Variants in CA5A observed in about 807,000 individuals in gnomAD.
The protein encoded by CA5A is carbonic anhydrase 5A, also known as carbonic anhydrase 5A, mitochondrial.
CA5A carries 28 observed loss-of-function variants against 37.1 expected under a neutral mutation model. The ratio of observed to expected loss-of-function variants is 0.75; its 90% CI spans 0.56 to 1.03. CA5A has a LOEUF of 1.03. Ranked by LOEUF, CA5A falls within the 50% of genes least tolerant of loss-of-function variation. The probability of loss-of-function intolerance (pLI) is 0.00; values close to 1 mark genes in which losing one functional copy is unlikely to be tolerated. For missense variants in CA5A, 444 were observed against 399.9 expected, an observed-to-expected ratio of 1.11 and a Z score of -0.94; for synonymous variants, 171 against 158.4, an observed-to-expected ratio of 1.08 and a Z score of -0.60.
chr16:87,891,848 G>A lies in CA5A; in HGVS notation c.725C>T (p.Ser242Leu), dbSNP rs762793426. 1.0e-5 allele frequency: 16 copies of A among 1,579,714 alleles called. No homozygotes were observed. The highest frequency in any genetic ancestry group is 4.7e-5 in the South Asian group (4 of 85,994). Reference sequence around the variant, plus strand: ...CTCCTTCTGGATGATCCAGGTGACCGACTCGGTCAGCGGCGGGGTGGTGAG... The same window carrying A: ...CTCCTTCTGGATGATCCAGGTGACCAACTCGGTCAGCGGCGGGGTGGTGAG... ...GSLTTPPLTESVTWIIQKEPV... is the reference protein window; with the variant it reads ...GSLTTPPLTELVTWIIQKEPV... The change falls in exon 6 of 7, where the codon TCG (serine) becomes TTG (leucine). Residue 242 changes from serine to leucine, a missense_variant. Transcript: ENST00000649794.
intron 1 of CA5A, among the ~76,000 whole-genome samples, chr16:87,933,721 C>T (rs1281025360): frequency 1.3e-5 from 2 of 152,144 alleles, no homozygotes; most frequent in African/African-American, 2.4e-5. Flanking sequence ...AACTCTTTGA[C>T]TTTTCTCTCA....
intron 2 of CA5A, among the ~76,000 whole-genome samples, chr16:87,924,780 C>A (rs1270134632): frequency 6.6e-6 from 1 of 152,218 alleles, no homozygotes; most frequent in Non-Finnish European, 1.5e-5. Flanking sequence ...AGCGTGGGGG[C>A]AGCGTCCCGC....
intron 3 of CA5A, among the ~76,000 whole-genome samples, 188 bp downstream of exon 3, chr16:87,904,598 G>A (rs564467747): frequency 2.0e-5 from 3 of 152,310 alleles, no homozygotes; most frequent in East Asian, 1.9e-4. Flanking sequence ...AACTTACAGC[G>A]CCTTCCTCGT....
At chr16:87,915,829 T>G (rs997939618) in intron 2 of CA5A, among the ~76,000 whole-genome samples, 1 of 151,996 alleles carries the variant, frequency 6.6e-6, no homozygotes, top group African/African-American at 2.4e-5. Flanking sequence ...TAAGCTTTTG[T>G]TTTCAAAATA....
chr16:87,902,553 T>C (rs749718733), intron 3 of CA5A, 33 bp from the exon 4 acceptor site: 1 of 1,139,882 alleles, frequency 8.8e-7, no homozygotes, highest in Admixed American at 1.7e-5. Context: ...CTTAAATTGA[T>C]CAGCAAGAAA....
intron 1 of CA5A, among the ~76,000 whole-genome samples, chr16:87,932,537 T>C (rs57641558): frequency 0.037 from 5,667 of 152,298 alleles, 354 homozygotes; most frequent in African/African-American, 0.13. Flanking sequence ...CAGCCGACCC[T>C]GGTGCCCAGC....
At chr16:87,931,400 C>T (rs976422184) in intron 1 of CA5A, among the ~76,000 whole-genome samples, 1 of 152,226 alleles carries the variant, frequency 6.6e-6, no homozygotes, top group Non-Finnish European at 1.5e-5. Context: ...GCATAAACCA[C>T]TGTGCCTGAC....
intron 2 of CA5A, among the ~76,000 whole-genome samples, chr16:87,907,200 AGAGT>A (rs2143974843): frequency 6.6e-6 from 1 of 152,044 alleles, no homozygotes; most frequent in African/African-American, 2.4e-5. Flanking sequence ...CCTGGGCGAC[AGAGT>A]GAGACTCTGT....
chr16:87,904,752 T>C (rs752286124), intron 3 of CA5A, 34 bp downstream of exon 3: 2 of 1,258,780 alleles, frequency 1.6e-6, no homozygotes, highest in Non-Finnish European at 2.3e-6. Flanking sequence ...ATGGAAAGTG[T>C]GCAGATATGT....
chr16:87,897,211 C>G (rs71392321), intron 5 of CA5A, among the ~76,000 whole-genome samples: 27,819 of 152,254 alleles, frequency 0.18, 2,731 homozygotes, highest in South Asian at 0.29. Context: ...GCTGTTTCCA[C>G]CTCCACAAGG....
chr16:87,932,723 A>G (rs993509951), intron 1 of CA5A, among the ~76,000 whole-genome samples: 18 of 152,034 alleles, frequency 1.2e-4, no homozygotes, highest in African/African-American at 7.2e-5. Flanking sequence ...GGAGGCCAGT[A>G]TTTGCCCCTA....
At chr16:87,906,549 C>A (rs186305006) in intron 2 of CA5A, among the ~76,000 whole-genome samples, 2 of 152,132 alleles carry the variant, frequency 1.3e-5, no homozygotes, top group East Asian at 3.9e-4. Flanking sequence ...ATTGCTCGAA[C>A]CTGGGAGGCG....
At chr16:87,919,417 A>C (rs12446156) in intron 2 of CA5A, among the ~76,000 whole-genome samples, 47,130 of 152,136 alleles carry the variant, frequency 0.31, 7,663 homozygotes, top group South Asian at 0.43. Context: ...AGAATCAGCC[A>C]TGGGATGGTG....
At chr16:87,906,189 G>C (rs910670623) in intron 2 of CA5A, among the ~76,000 whole-genome samples, 4 of 152,034 alleles carry the variant, frequency 2.6e-5, no homozygotes, top group African/African-American at 9.7e-5. Flanking sequence ...CACTGATCCC[G>C]AATTCAGGGT....
chr16:87,888,207 G>C lies in CA5A; in HGVS notation c.840C>G (p.Asn280Lys). Residue 280 changes from asparagine to lysine, a missense_variant, in exon 7 of 7, where the codon AAC becomes AAG. Asn to Lys is a moderately conservative substitution (Grantham distance 94, BLOSUM62 0). Transcript: ENST00000649794. The stretch of plus-strand genomic sequence containing the variant: ...TCATCAAGGGTTGAAGTGGGCGATA[G>C]TTGTTCACCATCATCTTCTCCTCTT... Reference protein sequence around the residue: ...LGEEEKMMVNNYRPLQPLMNR... With the variant: ...LGEEEKMMVNKYRPLQPLMNR... 1 of 1,613,946 alleles carries C rather than the reference G, an allele frequency of 6.2e-7. No individual in the cohort carries two copies.
intron 2 of CA5A, among the ~76,000 whole-genome samples, chr16:87,920,837 A>G (rs573250565): frequency 2.5e-4 from 38 of 152,054 alleles, no homozygotes; most frequent in Non-Finnish European, 4.4e-4. Flanking sequence ...CTTGTCACCC[A>G]GGCTGGAGTG....
At chr16:87,924,348 G>C in intron 2 of CA5A, 1 of 968,792 alleles carries the variant, frequency 1.0e-6, no homozygotes. Flanking sequence ...TTCGAAAGGA[G>C]AGAGAGACAC....
intron 2 of CA5A, among the ~76,000 whole-genome samples, chr16:87,907,417 C>G (rs4843277): frequency 0.084 from 12,743 of 151,960 alleles, 652 homozygotes; most frequent in African/African-American, 0.15. Context: ...GGTGGAGCCT[C>G]CCAGGGGGTC....
At chr16:87,884,863 T>C (rs2055636508), downstream of CA5A, 2 of 152,180 alleles carry the variant, frequency 1.3e-5, no homozygotes, top group Non-Finnish European at 2.9e-5. Flanking sequence ...GGTGCAACCA[T>C]TGCTATAAGC....
Sources: gnomAD v4.1 joint callset for allele counts (sites outside exome capture counted in the v4.1 genomes callset) on GRCh38, gnomAD v4.1.1 for gene constraint, MANE v1.5 for transcripts, NCBI Gene and HGNC (gene_info 2026-07-23, HGNC 2026-07-21) for gene names.